The following MRTFB variants were observed in gnomAD, a reference collection of about 807,000 sequenced individuals.
The protein encoded by MRTFB is myocardin related transcription factor B.
A neutral mutation model predicts 104.2 loss-of-function variants in MRTFB; 29 were observed. The ratio of observed to expected loss-of-function variants is 0.28; its 90% confidence interval spans 0.21 to 0.38. The LOEUF (loss-of-function observed/expected upper bound fraction) is 0.38, where lower values mean the gene tolerates loss of function less well. Among genes scored for constraint, MRTFB ranks in the 10% least tolerant of loss-of-function variants. The pLI is 1.00. For missense variants in MRTFB, 1,270 were observed against 1,341.6 expected (o/e 0.95, Z 0.83); for synonymous variants, 535 against 519.5 (o/e 1.03, Z -0.41).
At chr16:14,133,940 T>C (rs1466280305) in intron 2 of MRTFB, among the ~76,000 whole-genome samples, 1 of 152,236 alleles carries the variant, frequency 6.6e-6, no homozygotes, top group Non-Finnish European at 1.5e-5. Context: ...AAATAACATT[T>C]TCTAATTCCT....
At chr16:14,062,362 G>A in the MRTFB span, among the ~76,000 whole-genome samples, 1 of 152,296 alleles carries the variant, frequency 6.6e-6, no homozygotes, top group South Asian at 2.1e-4. Context: ...AGCTTCCAAA[G>A]TACTGAGATT....
At chr16:14,155,322 T>C in intron 3 of MRTFB, among the ~76,000 whole-genome samples, 1 of 152,196 alleles carries the variant, frequency 6.6e-6, no homozygotes, top group Non-Finnish European at 1.5e-5. Flanking sequence ...TGTTCTTTTT[T>C]TACTGTCCAT....
At position 14,191,584 on chromosome 16, in the gene MRTFB, C is replaced by A. The variant is rs1004765238; in HGVS notation, c.155-18659C>A. ...TGGCCTGTTTGTCCCCCTCATCCCC[C>A]AATACCCTGCATCTCATAGACACAT... On this transcript the variant is annotated intron_variant, in intron 3 of 16. Coordinates refer to ENST00000571589, the MANE Select transcript of MRTFB (RefSeq NM_001308142.2). 5.3e-5 allele frequency among the ~76,000 whole-genome samples: 8 copies of A among 152,172 alleles called. 1 individual carries two copies. Among genetic ancestry groups the A allele is most frequent in the Admixed American group, 3.9e-4 (6 of 15,284 alleles).
At chr16:14,241,187 C>T in intron 10 of MRTFB, 1 of 170,444 alleles carries the variant, frequency 5.9e-6, no homozygotes, top group Non-Finnish European at 1.2e-5. Flanking sequence ...GAAAAAACAG[C>T]TGGATGCTGG....
chr16:14,158,812 TATATA>T (rs1393791097), intron 3 of MRTFB, among the ~76,000 whole-genome samples: 1 of 152,150 alleles, frequency 6.6e-6, no homozygotes, highest in East Asian at 1.9e-4. Flanking sequence ...AGTTTATTCA[TATATA>T]ATAGGTGCTA....
intron 3 of MRTFB, among the ~76,000 whole-genome samples, 157 bp from the exon 4 acceptor site, chr16:14,210,086 T>C (rs1248665425): frequency 4.0e-4 from 61 of 152,218 alleles, no homozygotes; most frequent in Admixed American, 3.9e-3. Flanking sequence ...CAAAATAATT[T>C]TCCTTTTACA....
chr16:14,168,712 T>A (rs1004490502), intron 3 of MRTFB, among the ~76,000 whole-genome samples: 1 of 152,202 alleles, frequency 6.6e-6, no homozygotes, highest in Non-Finnish European at 1.5e-5. Context: ...TACAGGTATT[T>A]ATTTCTTTGG....
chr16:14,099,014 C>T (rs2035548038), intron 2 of MRTFB, among the ~76,000 whole-genome samples: 1 of 152,148 alleles, frequency 6.6e-6, no homozygotes, highest in South Asian at 2.1e-4. Flanking sequence ...TAGTGTTAGT[C>T]CTCCAACTTT....
At chr16:14,127,437 T>TA (rs2037168111) in intron 2 of MRTFB, among the ~76,000 whole-genome samples, 1 of 151,762 alleles carries the variant, frequency 6.6e-6, no homozygotes, top group South Asian at 2.1e-4. Flanking sequence ...GGTCAGGAGA[T>TA]AGAGACCATC....
chr16:14,247,054 G>A lies in MRTFB; in HGVS notation c.1794G>A (p.Leu598=), dbSNP rs747390488. Residue 598 remains leucine, a synonymous_variant, in exon 12 of 17, where the codon CTG becomes CTA. Transcript: ENST00000571589. ...AAGAGCAGAAGCTCGTGGAAGTGCT[G>A]AAAATGCAACTTGAGGTTGAAAAAC... is the stretch of plus-strand genomic sequence containing the variant. ...LEQEQKLVEV[L]KMQLEVEKRG... 1 of 1,614,174 alleles carries A rather than the reference G, an allele frequency of 6.2e-7. No homozygotes were observed.
intron 3 of MRTFB, chr16:14,151,029 G>A (rs2142779374): frequency 6.6e-6 from 1 of 152,292 alleles, no homozygotes; most frequent in East Asian, 1.9e-4. Context: ...TGCTCACGCG[G>A]AGATGATGAA....
At chr16:14,241,440 A>G (rs1181326994) in intron 10 of MRTFB, 1 of 152,232 alleles carries the variant, frequency 6.6e-6, no homozygotes, top group Non-Finnish European at 1.5e-5. Context: ...CATTCCCAAT[A>G]TGCTTTTTCT....
At chr16:14,147,622 T>C (rs1282228239) in intron 3 of MRTFB, among the ~76,000 whole-genome samples, 2 of 152,188 alleles carry the variant, frequency 1.3e-5, no homozygotes, top group East Asian at 3.8e-4. Flanking sequence ...TGTGTGACTT[T>C]ACCTTCTCCC....
At chr16:14,229,749 G>C (rs2042173815) in intron 8 of MRTFB, among the ~76,000 whole-genome samples, 1 of 148,770 alleles carries the variant, frequency 6.7e-6, no homozygotes, top group Non-Finnish European at 1.5e-5. Context: ...TGCCTTTTTA[G>C]TTTTTTTTTT....
intron 2 of MRTFB, among the ~76,000 whole-genome samples, chr16:14,114,776 T>C (rs1482593870): frequency 6.6e-6 from 1 of 152,224 alleles, no homozygotes; most frequent in East Asian, 1.9e-4. Context: ...CGCTGCTGTG[T>C]ATTGTCATCA....
chr16:14,163,614 C>T (rs1347258809), intron 3 of MRTFB, among the ~76,000 whole-genome samples: 1 of 152,032 alleles, frequency 6.6e-6, no homozygotes. Flanking sequence ...GGCGCATCAC[C>T]TGAGGTCAGG....
the MRTFB span, among the ~76,000 whole-genome samples, chr16:14,054,246 T>C: frequency 6.6e-6 from 1 of 152,118 alleles, no homozygotes; most frequent in Non-Finnish European, 1.5e-5. Context: ...AGATGGAGTC[T>C]CGCTGTGTCA....
At chr16:14,245,953 G>T (rs186622693) in intron 11 of MRTFB, among the ~76,000 whole-genome samples, 1 of 152,252 alleles carries the variant, frequency 6.6e-6, no homozygotes, top group Non-Finnish European at 1.5e-5. Flanking sequence ...GGGAAAAGCA[G>T]GAAAATGTAA....
chr16:14,173,319 T>C (rs983987632), intron 3 of MRTFB, among the ~76,000 whole-genome samples: 1 of 152,370 alleles, frequency 6.6e-6, no homozygotes, highest in South Asian at 2.1e-4. Context: ...CTGACATCTT[T>C]ATGATGTGTT....
Sources: allele counts gnomAD v4.1 joint callset (sites outside exome capture counted in the v4.1 genomes callset), GRCh38; gene constraint gnomAD v4.1.1; transcripts MANE v1.5; gene names NCBI Gene and HGNC (gene_info 2026-07-23, HGNC 2026-07-21).